Variants in ALMS1 observed in about 807,000 individuals in gnomAD.
The protein encoded by ALMS1 is ALMS1 centrosome and basal body associated protein, also known as centrosome-associated protein ALMS1.
Under a neutral mutation model 352.2 loss-of-function variants are expected in ALMS1, and 271 were observed. The observed-to-expected ratio is 0.77, with a 90% CI of 0.70 to 0.85. The LOEUF is 0.85. Among genes scored for constraint, ALMS1 ranks in the 40% least tolerant of loss-of-function variants. ALMS1 has a pLI of 0.00. For missense variants in ALMS1, 5,445 were observed against 4,870.7 expected, an observed-to-expected ratio of 1.12 and a Z score of -3.51; for synonymous variants, 1,865 against 1,761.2, an observed-to-expected ratio of 1.06 and a Z score of -1.48.
chr2:73,454,458 AAG>A, intron 8 of ALMS1: 2 of 822,392 alleles, frequency 2.4e-6, no homozygotes, highest in South Asian at 1.1e-4. Flanking sequence ...TGAAGGCAGA[AAG>A]AGCCTCCAAT....
intron 1 of ALMS1, among the ~76,000 whole-genome samples, chr2:73,403,135 A>G (rs1057325080): frequency 3.9e-5 from 6 of 152,254 alleles, no homozygotes; most frequent in East Asian, 1.9e-4. Context: ...TTTTTCCCAT[A>G]TATTTTCTTC....
In ALMS1 at chr2:73,422,881, C is replaced by A. The variant is rs11889925; in HGVS notation, c.671C>A (p.Pro224His). The A allele has an allele frequency of 3.1e-3, 4,944 of 1,613,498 alleles. 146 individuals carry two copies. The African/African-American group carries it at 0.057, about 19-fold the overall frequency. Residue 224 changes from proline (P) to histidine (H), a missense_variant, in exon 4 of 23, where the codon CCT becomes CAT. Transcript: ENST00000613296. ...LLVIQDSFAS[P>H]DLPLLTCLTQ... ...GTCATACAAGATAGCTTTGCTTCTC[C>A]TGATTTGCCTTTGCTGACCTGTTTG...
In ALMS1 at chr2:73,491,164, C is replaced by G; in HGVS notation, c.9205C>G (p.His3069Asp). Reference protein sequence around the residue: ...LDSGTLDERFHSLDAASKARM... With the variant: ...LDSGTLDERFDSLDAASKARM... Reference sequence around the variant, plus strand: ...TAGTGGAACTTTAGATGAAAGATTCCATTCATTGGATGCTGCTTCTAAAGC... The same window carrying G: ...TAGTGGAACTTTAGATGAAAGATTCGATTCATTGGATGCTGCTTCTAAAGC... Residue 3069 changes from histidine to aspartate, a missense_variant, in exon 10 of 23, where the codon CAT (histidine) becomes GAT (aspartate). Physicochemically the swap from His to Asp is moderately conservative, Grantham distance 81 (BLOSUM62 -1). Transcript: ENST00000613296. 6.2e-7 allele frequency: 1 copy of G among 1,614,136 alleles called. No homozygotes were observed. The highest frequency in any genetic ancestry group is 8.5e-7 in the Non-Finnish European group (1 of 1,180,004).
Position 73,385,939 on chromosome 2 carries a change from A to T in ALMS1, c.71A>T (p.Glu24Val). The T allele has an allele frequency of 8.6e-7, 1 of 1,163,376 alleles. No homozygotes were observed. The highest frequency in any genetic ancestry group is 2.2e-4 in the Middle Eastern group (1 of 4,582). 72.1% of individuals were successfully genotyped at this position (1,163,376 alleles called of 1,614,324 possible). A position where few individuals can be genotyped will look rare whatever the true frequency, so the allele number is the denominator to read the frequency against. ...EEEEEEEEEE[E>V]EEEEAAAAAA... is the part of the protein sequence containing the mutation. ...GAGGAGGAGGAGGAGGAGGAGGAGG[A>T]GGAAGAGGAGGAGGCTGCAGCGGCG... The change falls in exon 1 of 23, where the codon GAG becomes GTG. Residue 24 changes from glutamate to valine, a missense_variant. Physicochemically the swap from Glu to Val is moderately radical, Grantham distance 121. Transcript: ENST00000613296.
intron 9 of ALMS1, chr2:73,469,506 A>G (rs1172478356): frequency 1.3e-5 from 2 of 151,986 alleles, no homozygotes; most frequent in African/African-American, 4.8e-5. Context: ...CTCGTTAGGT[A>G]TAAAATTTTC....
intron 15 of ALMS1, among the ~76,000 whole-genome samples, chr2:73,563,240 TTAATA>T (rs1402275127): frequency 1.3e-5 from 2 of 152,032 alleles, no homozygotes; most frequent in African/African-American, 4.8e-5. Context: ...TTTGGGGACA[TTAATA>T]TAGATGAGGT....
intron 13 of ALMS1, among the ~76,000 whole-genome samples, chr2:73,552,811 A>C (rs1674466295): frequency 6.6e-6 from 1 of 152,232 alleles, no homozygotes; most frequent in Admixed American, 6.5e-5. Context: ...AAATGAGCTC[A>C]TAAAATATCA....
chr2:73,563,628 C>A (rs1674711696), intron 15 of ALMS1, among the ~76,000 whole-genome samples: 1 of 148,182 alleles, frequency 6.7e-6, no homozygotes, highest in Admixed American at 6.9e-5. Context: ...GAGGCTGAGG[C>A]AGGAGAATGG....
rs184838812 is a variant in ALMS1, at chr2:73,443,298, A to G, written c.1433-4662A>G. Among the ~76,000 whole-genome samples, 101 of 151,724 alleles carry G rather than the reference A, an allele frequency of 6.7e-4. 1 individual carries two copies. Among genetic ancestry groups the G allele is most frequent in the Non-Finnish European group, 8.1e-4 (55 of 67,914 alleles). On this transcript the variant is annotated intron_variant, in intron 7 of 22. Coordinates refer to ENST00000613296, the MANE Select transcript of ALMS1 (RefSeq NM_001378454.1). ...CTTGCCTCTTTTTTCATAGTGAACT[A>G]CTCTCATTTCTTCATGATGCTAGAC... is the stretch of plus-strand genomic sequence containing the variant.
intron 2 of ALMS1, among the ~76,000 whole-genome samples, chr2:73,412,348 T>C (rs2421545): frequency 0.57 from 87,004 of 152,146 alleles, 26,267 homozygotes; most frequent in East Asian, 0.77. Context: ...ACTTTTGAAT[T>C]TGACTTCTTT....
intron 1 of ALMS1, among the ~76,000 whole-genome samples, chr2:73,406,863 G>A (rs1441540621): frequency 6.6e-6 from 1 of 152,172 alleles, no homozygotes; most frequent in Admixed American, 6.5e-5. Flanking sequence ...CTGACCTCAA[G>A]TGATCCACTT....
intron 9 of ALMS1, among the ~76,000 whole-genome samples, chr2:73,467,402 A>G (rs573504822): frequency 2.0e-5 from 3 of 152,282 alleles, no homozygotes; most frequent in East Asian, 1.9e-4. Flanking sequence ...CAAGTTAACC[A>G]TAATGAGATA....
chr2:73,389,151 T>C (rs1036178690), intron 1 of ALMS1, among the ~76,000 whole-genome samples: 1 of 152,232 alleles, frequency 6.6e-6, no homozygotes, highest in Admixed American at 6.5e-5. Flanking sequence ...TGTGAGATGG[T>C]ATCTCATTGT....
intron 10 of ALMS1, among the ~76,000 whole-genome samples, chr2:73,498,697 T>C (rs144469070): frequency 2.6e-5 from 4 of 152,330 alleles, no homozygotes; most frequent in East Asian, 3.9e-4. Flanking sequence ...GTTTATTTCA[T>C]TTAACGTAAT....
At chr2:73,477,666 T>C (rs1164778986) in intron 9 of ALMS1, among the ~76,000 whole-genome samples, 1 of 152,188 alleles carries the variant, frequency 6.6e-6, no homozygotes, top group Non-Finnish European at 1.5e-5. Context: ...TCTATGTTTT[T>C]TAGTATACTA....
At chr2:73,473,682 CAA>C (rs765137030) in intron 9 of ALMS1, among the ~76,000 whole-genome samples, 5 of 149,900 alleles carry the variant, frequency 3.3e-5, no homozygotes, top group African/African-American at 5.0e-5. Context: ...GAAATATCGA[CAA>C]AGAGAAATTA....
chr2:73,541,650 A>T (rs943415214), intron 12 of ALMS1, among the ~76,000 whole-genome samples: 1 of 152,206 alleles, frequency 6.6e-6, no homozygotes, highest in Non-Finnish European at 1.5e-5. Context: ...AAGAGAGAAG[A>T]ATCAAATAGA....
intron 2 of ALMS1, among the ~76,000 whole-genome samples, chr2:73,418,329 A>G (rs1011089550): frequency 6.6e-6 from 1 of 152,198 alleles, no homozygotes; most frequent in African/African-American, 2.4e-5. Context: ...TGTTATATAT[A>G]CTGAGAAGAG....
intron 16 of ALMS1, among the ~76,000 whole-genome samples, chr2:73,597,923 TC>T (rs2104183711): frequency 6.6e-6 from 1 of 152,336 alleles, no homozygotes; most frequent in Admixed American, 6.5e-5. Flanking sequence ...AGGCCCTCTC[TC>T]TGATGAGTAT....
Sources: gnomAD v4.1 joint callset for allele counts (sites outside exome capture counted in the v4.1 genomes callset) on GRCh38, gnomAD v4.1.1 for gene constraint, MANE v1.5 for transcripts, NCBI Gene and HGNC (gene_info 2026-07-23, HGNC 2026-07-21) for gene names.